The following TACR1 variants were observed in gnomAD, a reference collection of about 807,000 sequenced individuals.
TACR1 encodes the protein substance-P receptor.
TACR1 carries 25 observed loss-of-function variants against 35.8 expected under a neutral mutation model. The observed-to-expected ratio is 0.70, with a 90% CI of 0.51 to 0.98. The LOEUF is 0.98. Ranked by LOEUF, TACR1 falls within the 50% of genes least tolerant of loss-of-function variation. The pLI is 0.00. For synonymous variants in TACR1, 195 were observed against 206.7 expected (o/e 0.94, Z 0.48); for missense variants, 478 against 522.9 (o/e 0.91, Z 0.84).
intron 2 of TACR1, among the ~76,000 whole-genome samples, chr2:75,070,471 A>C (rs953818316): frequency 6.6e-6 from 1 of 152,170 alleles, no homozygotes; most frequent in African/African-American, 2.4e-5. Context: ...TTCTTCCCAC[A>C]TGTATCCTTC....
At chr2:75,089,495 G>A (rs1291978105) in intron 2 of TACR1, among the ~76,000 whole-genome samples, 3 of 152,138 alleles carry the variant, frequency 2.0e-5, no homozygotes, top group African/African-American at 2.4e-5. Flanking sequence ...GCACCCTTTC[G>A]GGAGTCATCA....
intron 2 of TACR1, among the ~76,000 whole-genome samples, chr2:75,104,886 C>T (rs1673609016): frequency 6.6e-6 from 1 of 151,966 alleles, no homozygotes; most frequent in Non-Finnish European, 1.5e-5. Context: ...CAAGAGATAA[C>T]AAGTGTTGGA....
intron 1 of TACR1, among the ~76,000 whole-genome samples, chr2:75,138,077 A>C (rs993881430): frequency 2.0e-5 from 3 of 152,196 alleles, no homozygotes; most frequent in Non-Finnish European, 4.4e-5. Flanking sequence ...TTACCATCAC[A>C]TTGTCCCTTG....
At position 75,049,300 on chromosome 2, in the gene TACR1, A is replaced by C; in HGVS notation, c.*132T>G. ...GACTCAAGGATGGAATGTTTTCCCT[A>C]ACCCATACTGACCCTTTTTGCAAGT... On this transcript the variant is annotated 3_prime_UTR_variant, in exon 5 of 5. Transcript: ENST00000305249. The C allele has an allele frequency of 1.0e-6, 1 of 990,612 alleles. No homozygotes were observed. Among genetic ancestry groups the C allele is most frequent in the Non-Finnish European group, 1.5e-6 (1 of 680,530 alleles). 61.4% of individuals were successfully genotyped at this position (990,612 alleles called of 1,614,324 possible). A position where few individuals can be genotyped will look rare whatever the true frequency, so the allele number is the denominator to read the frequency against.
At chr2:75,109,316 T>C (rs1673707414) in intron 2 of TACR1, among the ~76,000 whole-genome samples, 1 of 152,076 alleles carries the variant, frequency 6.6e-6, no homozygotes, top group East Asian at 1.9e-4. Context: ...CTCAGGCTGC[T>C]CCTGTACAGT....
intron 1 of TACR1, among the ~76,000 whole-genome samples, chr2:75,171,974 G>A (rs886723641): frequency 6.6e-6 from 1 of 152,086 alleles, no homozygotes; most frequent in African/African-American, 2.4e-5. Flanking sequence ...AGGCATGATT[G>A]GTTTGGAAAT....
intron 1 of TACR1, among the ~76,000 whole-genome samples, chr2:75,129,820 G>C (rs1674144006): frequency 6.6e-6 from 1 of 152,134 alleles, no homozygotes; most frequent in Non-Finnish European, 1.5e-5. Flanking sequence ...GGTGACCATA[G>C]GGTGACCATT....
chr2:75,176,867 T>C lies in TACR1; in HGVS notation c.389+21679A>G, dbSNP rs551330767. ...TTCTCAGTGAACAGTGACTAGGCTTTTATCTCCAATATGGCTCCAAACATT... is the reference window on the plus strand; with the variant it reads ...TTCTCAGTGAACAGTGACTAGGCTTCTATCTCCAATATGGCTCCAAACATT... On this transcript the variant is annotated intron_variant, in intron 1 of 4. Coordinates refer to ENST00000305249, the MANE Select transcript of TACR1 (RefSeq NM_001058.4). Among the ~76,000 whole-genome samples the C allele has an allele frequency of 2.0e-5, 3 of 152,284 alleles. No homozygotes were observed. In the South Asian group the frequency reaches 6.2e-4, roughly 32 times the overall value.
At chr2:75,135,244 T>C (rs1331499796) in intron 1 of TACR1, among the ~76,000 whole-genome samples, 1 of 152,212 alleles carries the variant, frequency 6.6e-6, no homozygotes, top group Non-Finnish European at 1.5e-5. Context: ...ACTTAATCTT[T>C]CTTAAAGTGA....
chr2:75,183,384 A>G (rs1385788630), intron 1 of TACR1, among the ~76,000 whole-genome samples: 1 of 152,174 alleles, frequency 6.6e-6, no homozygotes, highest in Non-Finnish European at 1.5e-5. Context: ...GCGTTTATCT[A>G]TGTTTTTTCT....
At chr2:75,125,756 A>C (rs979919669) in intron 1 of TACR1, among the ~76,000 whole-genome samples, 4 of 152,206 alleles carry the variant, frequency 2.6e-5, no homozygotes, top group African/African-American at 9.7e-5. Flanking sequence ...TTTCTGTCAT[A>C]TAGACACCCA....
intron 1 of TACR1, chr2:75,154,488 C>CCA (rs71245356): frequency 0.04 from 2,138 of 53,574 alleles, 187 homozygotes; most frequent in South Asian, 0.047. Context: ...CACTAACCCA[C>CCA]CACACACACA....
At chr2:75,090,761 A>G (rs1673292875) in intron 2 of TACR1, 1 of 153,934 alleles carries the variant, frequency 6.5e-6, no homozygotes. Context: ...TCCCCATCAG[A>G]CCCATAGTGT....
chr2:75,183,222 G>A (rs919649415), intron 1 of TACR1, among the ~76,000 whole-genome samples: 10 of 152,130 alleles, frequency 6.6e-5, no homozygotes, highest in Non-Finnish European at 1.5e-4. Flanking sequence ...CATGCAATAA[G>A]AATACATTAG....
chr2:75,186,371 CAAA>C (rs373147504), intron 1 of TACR1, among the ~76,000 whole-genome samples: 15 of 81,822 alleles, frequency 1.8e-4, no homozygotes, highest in Non-Finnish European at 2.8e-4. Flanking sequence ...GACTCTGTCT[CAAA>C]AAAAAAAAAA....
Position 75,198,981 on chromosome 2 carries a change from C to CT in TACR1, c.-48dup. ...CCTACTATCTGTACACAACCCCCCT[C>CT]TGCAGCAGAGTCCTGTGGCTGGCGC... is the stretch of plus-strand genomic sequence containing the variant. On this transcript the variant is annotated 5_prime_UTR_variant, in exon 1 of 5. Transcript: ENST00000305249. 1 of 1,586,532 alleles carries CT rather than the reference C, an allele frequency of 6.3e-7. No homozygotes were observed. Among genetic ancestry groups the CT allele is most frequent in the Non-Finnish European group, 8.6e-7 (1 of 1,164,604 alleles).
chr2:75,168,892 C>A (rs574904646), intron 1 of TACR1, among the ~76,000 whole-genome samples: 1 of 152,110 alleles, frequency 6.6e-6, no homozygotes, highest in African/African-American at 2.4e-5. Context: ...TCACCAGAGA[C>A]TTTTTCCCCT....
At chr2:75,191,574 T>C (rs1365785235) in intron 1 of TACR1, among the ~76,000 whole-genome samples, 3 of 152,142 alleles carry the variant, frequency 2.0e-5, no homozygotes, top group Non-Finnish European at 4.4e-5. Flanking sequence ...TCAGGTATCC[T>C]GTGGGGCTCA....
In TACR1 at chr2:75,049,380, A is replaced by G. The variant is rs1672422057; in HGVS notation, c.*52T>C. On this transcript the variant is annotated 3_prime_UTR_variant, in exon 5 of 5. Transcript: ENST00000305249. ...AGATGAAGGGAATTTCCATGCATGA[A>G]GGGAGGCAGGTCAAAGGCAGTGGGG... 22 of 1,558,976 alleles carry G rather than the reference A, an allele frequency of 1.4e-5. No homozygotes were observed. Among genetic ancestry groups the G allele is most frequent in the East Asian group, 2.3e-5 (1 of 44,220 alleles).
Sources: gnomAD v4.1 joint callset for allele counts (sites outside exome capture counted in the v4.1 genomes callset) on GRCh38, gnomAD v4.1.1 for gene constraint, MANE v1.5 for transcripts, NCBI Gene and HGNC (gene_info 2026-07-23, HGNC 2026-07-21) for gene names.